The following VPS53 variants were observed in gnomAD, a reference collection of about 807,000 sequenced individuals.
The protein encoded by VPS53 is vacuolar protein sorting-associated protein 53 homolog.
Under a neutral mutation model 107.0 loss-of-function variants are expected in VPS53, and 70 were observed. The ratio of observed to expected loss-of-function variants is 0.65; its 90% CI spans 0.54 to 0.80. VPS53 has a LOEUF of 0.80. Ranked by LOEUF, VPS53 falls within the 30% of genes least tolerant of loss-of-function variation. The probability of loss-of-function intolerance (pLI) is 0.00; values close to 1 mark genes in which losing one functional copy is unlikely to be tolerated. For missense variants in VPS53, 917 were observed against 1,049.4 expected (o/e 0.87, Z 1.74); for synonymous variants, 409 against 393.3 (o/e 1.04, Z -0.47).
At chr17:581,740 T>G (rs1347064052) in intron 13 of VPS53, among the ~76,000 whole-genome samples, 1 of 150,370 alleles carries the variant, frequency 6.7e-6, no homozygotes, top group Admixed American at 6.6e-5. Context: ...AGAACTTAAA[T>G]GCGTTCCCAG....
At chr17:599,486 T>A (rs1359901323) in intron 12 of VPS53, among the ~76,000 whole-genome samples, 7 of 151,204 alleles carry the variant, frequency 4.6e-5, no homozygotes, top group Non-Finnish European at 8.9e-5. Context: ...ATGTGCTGTG[T>A]CCACTCAGGG....
intron 17 of VPS53, among the ~76,000 whole-genome samples, chr17:543,866 AGGGAAGGAGGGGAGTTTGGAG>A: frequency 1.8e-5 from 1 of 55,106 alleles, no homozygotes; most frequent in Non-Finnish European, 3.3e-5. Context: ...GGAAGGAGGG[AGGGAAGGAGGGGAGTTTGGAG>A]GGAGGGAAGG....
At chr17:601,942 A>C in intron 11 of VPS53, 46 bp from the exon 12 acceptor site, 1 of 1,362,578 alleles carries the variant, frequency 7.3e-7, no homozygotes, top group Non-Finnish European at 1.0e-6. Flanking sequence ...GAGCATATTC[A>C]ATAGCTTTCC....
intron 17 of VPS53, among the ~76,000 whole-genome samples, chr17:547,165 C>T (rs145838909): frequency 2.2e-3 from 332 of 152,292 alleles, no homozygotes; most frequent in African/African-American, 7.6e-3. Flanking sequence ...GCATGAGCCA[C>T]CACGCCTGGC....
At chr17:601,291 T>G (rs1968313563) in intron 12 of VPS53, among the ~76,000 whole-genome samples, 1 of 152,186 alleles carries the variant, frequency 6.6e-6, no homozygotes, top group African/African-American at 2.4e-5. Flanking sequence ...AAAGTGTTAG[T>G]GTGCTCTGAA....
chr17:643,595 C>A (rs62056511), intron 7 of VPS53, among the ~76,000 whole-genome samples: 263 of 8,166 alleles, frequency 0.032, 1 homozygote, highest in African/African-American at 0.048. Flanking sequence ...TCATACTTGG[C>A]AACCGAGGAC....
intron 11 of VPS53, among the ~76,000 whole-genome samples, chr17:623,199 T>C (rs945573764): frequency 1.3e-5 from 2 of 152,180 alleles, no homozygotes; most frequent in Non-Finnish European, 1.5e-5. Context: ...AAACATATCC[T>C]AATTGTAACC....
At chr17:556,527 C>T (rs76847123) in intron 15 of VPS53, among the ~76,000 whole-genome samples, 4,621 of 152,216 alleles carry the variant, frequency 0.03, 254 homozygotes, top group African/African-American at 0.1. Flanking sequence ...TTCATAACAT[C>T]GTTCTGTGGT....
intron 7 of VPS53, among the ~76,000 whole-genome samples, chr17:651,557 C>T (rs962056923): frequency 6.6e-6 from 1 of 152,108 alleles, no homozygotes; most frequent in African/African-American, 2.4e-5. Context: ...TGCCACTACA[C>T]TCCATCCTGG....
At chr17:585,922 G>C (rs926181286) in intron 13 of VPS53, among the ~76,000 whole-genome samples, 11 of 152,092 alleles carry the variant, frequency 7.2e-5, no homozygotes, top group African/African-American at 2.7e-4. Flanking sequence ...AATTATACTT[G>C]AAAACATATA....
intron 4 of VPS53, among the ~76,000 whole-genome samples, chr17:692,769 G>A (rs995476171): frequency 2.6e-5 from 4 of 152,182 alleles, no homozygotes; most frequent in East Asian, 1.9e-4. Flanking sequence ...TTGGGAGGCC[G>A]AGGCGGGCGG....
chr17:564,353 G>A (rs1239011904), intron 13 of VPS53, among the ~76,000 whole-genome samples: 10 of 124,028 alleles, frequency 8.1e-5, no homozygotes, highest in Admixed American at 4.1e-4. Flanking sequence ...ATCCTAACAC[G>A]TTGAAACCCC....
In VPS53 at chr17:537,042, G is replaced by A. The variant is rs781379273; in HGVS notation, c.2001C>T (p.Cys667=). 19 of 1,614,018 alleles carry A rather than the reference G, an allele frequency of 1.2e-5. No homozygotes were observed. Among genetic ancestry groups the A allele is most frequent in the South Asian group, 7.7e-5 (7 of 91,086 alleles). The change falls in exon 18 of 22, where the codon TGC becomes TGT. Residue 667 remains cysteine, a synonymous_variant. Coordinates refer to ENST00000437048, the MANE Select transcript of VPS53 (RefSeq NM_001128159.3). The part of the protein sequence containing the change: ...ASTRKYFTQF[C]VKFANSFIPK... ...CCAGGACTTACTTTGCAAATTTAAC[G>A]CAGAACTGAGTGAAGTACTTGCGTG...
chr17:524,486 G>A lies in VPS53; in HGVS notation c.2086-2748C>T, dbSNP rs141291672. Among the ~76,000 whole-genome samples, 66 of 152,256 alleles carry A rather than the reference G, an allele frequency of 4.3e-4. No homozygotes were observed. Among genetic ancestry groups the A allele is most frequent in the South Asian group, 1.7e-3 (8 of 4,824 alleles). The stretch of plus-strand genomic sequence containing the variant: ...ATACGTGCAACGTTGACAAGGGAAC[G>A]GGGTTCCGAACATGAAGATTCCTAC... On this transcript the variant is annotated intron_variant, in intron 19 of 21. Coordinates refer to ENST00000437048, the MANE Select transcript of VPS53 (RefSeq NM_001128159.3). The surrounding 1 kb of genome is among the most constrained non-coding windows in gnomAD (Gnocchi z 4.5).
chr17:652,109 C>A (rs1970976043), intron 7 of VPS53, among the ~76,000 whole-genome samples: 1 of 151,966 alleles, frequency 6.6e-6, no homozygotes, highest in Non-Finnish European at 1.5e-5. Context: ...TGACTCCTGC[C>A]TCAGCTTCCC....
chr17:627,649 G>A (rs1210065340), intron 9 of VPS53, among the ~76,000 whole-genome samples: 5 of 152,038 alleles, frequency 3.3e-5, no homozygotes, highest in East Asian at 1.9e-4. Flanking sequence ...GGTGACAGGC[G>A]CCTGTAATCC....
At chr17:587,421 G>A (rs987269284) in intron 12 of VPS53, among the ~76,000 whole-genome samples, 3 of 152,174 alleles carry the variant, frequency 2.0e-5, no homozygotes, top group African/African-American at 4.8e-5. Context: ...CATATAGGCA[G>A]TACTTTCTAA....
chr17:670,791 T>C (rs978350884), intron 4 of VPS53, among the ~76,000 whole-genome samples: 1 of 152,224 alleles, frequency 6.6e-6, no homozygotes, highest in Non-Finnish European at 1.5e-5. Flanking sequence ...GAAGAGCTGG[T>C]ATGGCTTTAG....
At position 655,943 on chromosome 17, in the gene VPS53, A is replaced by C; in HGVS notation, c.383T>G (p.Ile128Ser). 1 of 1,613,610 alleles carries C rather than the reference A, an allele frequency of 6.2e-7. No homozygotes were observed. The highest frequency in any genetic ancestry group is 8.5e-7 in the Non-Finnish European group (1 of 1,179,788). ...ATCTAATTGCTTAATATCACGGGTG[A>C]TTTCTTTCACCTAAACATTGAAAAA... ...AEKSEQMVKE[I>S]TRDIKQLDHA... Residue 128 changes from isoleucine (I) to serine (S), a missense_variant, in exon 6 of 22, where the codon ATC becomes AGC. Ile to Ser is a moderately radical substitution (Grantham distance 142). Coordinates refer to ENST00000437048, the MANE Select transcript of VPS53 (RefSeq NM_001128159.3).
Sources: gnomAD v4.1 joint callset for allele counts (sites outside exome capture counted in the v4.1 genomes callset) on GRCh38, gnomAD v4.1.1 for gene constraint, Gnocchi (gnomAD v3.1) non-coding constraint, MANE v1.5 for transcripts, NCBI Gene and HGNC (gene_info 2026-07-23, HGNC 2026-07-21) for gene names.